AKAP6: variants seen among roughly 807,000 people sequenced by gnomAD.
AKAP6 encodes A-kinase anchoring protein 6.
A neutral mutation model predicts 188.5 loss-of-function variants in AKAP6; 58 were observed. That is an observed-to-expected ratio of 0.31 (90% CI 0.25 to 0.38). The LOEUF is 0.38. Ranked by LOEUF, AKAP6 falls within the 10% of genes least tolerant of loss-of-function variation. AKAP6 has a pLI of 1.00. For synonymous variants in AKAP6, 989 were observed against 998.6 expected (o/e 0.99, Z 0.18); for missense variants, 2,710 against 2,740.0 (o/e 0.99, Z 0.24).
intron 8 of AKAP6, among the ~76,000 whole-genome samples, chr14:32,688,142 G>GTA (rs946061651): frequency 2.7e-4 from 40 of 150,738 alleles, no homozygotes; most frequent in African/African-American, 8.7e-4. Context: ...AATATAGTGT[G>GTA]TATATATATA....
intron 2 of AKAP6, among the ~76,000 whole-genome samples, chr14:32,466,033 C>T (rs1250323336): frequency 6.6e-6 from 1 of 152,204 alleles, no homozygotes; most frequent in Non-Finnish European, 1.5e-5. Context: ...GAGATACCAC[C>T]TCACACCAGT....
rs200857161 is a variant in AKAP6 at position 32,546,493 on chromosome 14, G to A, written c.1840G>A (p.Val614Ile). The A allele has an allele frequency of 4.8e-5, 77 of 1,614,146 alleles. No homozygotes were observed. The African/African-American group carries it at 8.3e-4, about 17-fold the overall frequency. Residue 614 changes from valine to isoleucine, a missense_variant, in exon 4 of 14, where the codon GTC (valine) becomes ATC (isoleucine). This residue lies in a region of AKAP6 where 2,473 missense variants were observed against 2,426.1 expected (regional missense o/e 1.02). Coordinates refer to ENST00000280979, the MANE Select transcript of AKAP6 (RefSeq NM_004274.5). ...AGGTCAAGCCTCCTCTCCAAGTCAC[G>A]TCACTAGGAATGGTGAGGTTGTGGA... ...KKGQASSPSH[V>I]TRNGEVVEAW... is the part of the protein sequence containing the mutation.
chr14:32,833,718 A>T lies in AKAP6; in HGVS notation c.*3913A>T, dbSNP rs984768668. The T allele has an allele frequency of 2.6e-5, 4 of 152,174 alleles. No individual in the cohort carries two copies. Among genetic ancestry groups the T allele is most frequent in the African/African-American group, 9.6e-5 (4 of 41,454 alleles). 9.4% of individuals were successfully genotyped at this position (152,174 alleles called of 1,614,324 possible). A position where few individuals can be genotyped will look rare whatever the true frequency, so the allele number is the denominator to read the frequency against. ...GCTTTAGCTTCCAAAAGAAGTTGAAATTTTTTAGAATTTTAAAGAAAAACT... is the reference window on the plus strand; with the variant it reads ...GCTTTAGCTTCCAAAAGAAGTTGAATTTTTTTAGAATTTTAAAGAAAAACT... On this transcript the variant is annotated 3_prime_UTR_variant, in exon 14 of 14. Coordinates refer to ENST00000280979, the MANE Select transcript of AKAP6 (RefSeq NM_004274.5).
In AKAP6 at chr14:32,454,030, T is replaced by G. The variant is rs185964960; in HGVS notation, c.324+20213T>G. Among the ~76,000 whole-genome samples, 9 of 152,336 alleles carry G rather than the reference T, an allele frequency of 5.9e-5. No individual in the cohort carries two copies. In the East Asian group the frequency reaches 1.7e-3, roughly 29 times the overall value. The stretch of plus-strand genomic sequence containing the variant: ...CTGTCTTTGGCTCATCTCTGAACTT[T>G]AGTTCATTTCATTTTATGACTTTAC... On this transcript the variant is annotated intron_variant, in intron 2 of 13. Coordinates refer to ENST00000280979, the MANE Select transcript of AKAP6 (RefSeq NM_004274.5).
intron 11 of AKAP6, among the ~76,000 whole-genome samples, chr14:32,750,982 C>T (rs923559200): frequency 6.6e-6 from 1 of 151,926 alleles, no homozygotes; most frequent in Non-Finnish European, 1.5e-5. Context: ...TGATCCACCC[C>T]CTTGGCCTCT....
chr14:32,786,296 A>ATTTTTTTTTT, intron 12 of AKAP6, among the ~76,000 whole-genome samples: 3 of 93,706 alleles, frequency 3.2e-5, no homozygotes, highest in African/African-American at 8.2e-5. Context: ...CTAAACCTTT[A>ATTTTTTTTTT]TCTTTTTTTT....
rs181188109 is a variant in AKAP6, at chr14:32,353,332, G to T, written c.-35+23924G>T. ...AATCCCAGCACTTTGGGAAGCCGAGGTGGGCAGACATGAGGTCAGGAGATC... is the reference window on the plus strand; with the variant it reads ...AATCCCAGCACTTTGGGAAGCCGAGTTGGGCAGACATGAGGTCAGGAGATC... On this transcript the variant is annotated intron_variant, in intron 1 of 13. Coordinates refer to ENST00000280979, the MANE Select transcript of AKAP6 (RefSeq NM_004274.5). Among the ~76,000 whole-genome samples the T allele has an allele frequency of 1.3e-3, 202 of 152,284 alleles. 1 individual carries two copies. Among genetic ancestry groups the T allele is most frequent in the Non-Finnish European group, 2.3e-3 (155 of 68,028 alleles).
intron 7 of AKAP6, among the ~76,000 whole-genome samples, chr14:32,638,320 G>A (rs765039975): frequency 6.6e-6 from 1 of 152,056 alleles, no homozygotes; most frequent in Non-Finnish European, 1.5e-5. Flanking sequence ...TCTGATAAGG[G>A]CAGAGGCACT....
chr14:32,714,792 C>A (rs957309631), intron 9 of AKAP6, among the ~76,000 whole-genome samples: 36 of 151,870 alleles, frequency 2.4e-4, no homozygotes, highest in African/African-American at 2.4e-5. Context: ...TATGAGCAAC[C>A]TTTTCTTACC....
intron 7 of AKAP6, among the ~76,000 whole-genome samples, chr14:32,654,932 C>T (rs1342966933): frequency 1.3e-5 from 2 of 151,996 alleles, no homozygotes; most frequent in East Asian, 3.9e-4. Context: ...TTAAGGACTT[C>T]TATAAAGTCA....
Position 32,618,611 on chromosome 14 carries a change from GT to G in AKAP6, c.2730+17821del, listed in dbSNP as rs532935209. On this transcript the variant is annotated intron_variant, in intron 7 of 13. Transcript: ENST00000280979. ...TACTCATTGGTTGATGGGTACTTAG[GT>G]TGGTTCCATATCTTTGCAACTGTGA... Among the ~76,000 whole-genome samples, 349 of 152,254 alleles carry G rather than the reference GT, an allele frequency of 2.3e-3. 2 individuals carry two copies. The highest frequency in any genetic ancestry group is 3.8e-3 in the Non-Finnish European group (258 of 68,016).
chr14:32,590,167 G>A (rs925394664), intron 5 of AKAP6, among the ~76,000 whole-genome samples: 4 of 152,170 alleles, frequency 2.6e-5, no homozygotes, highest in African/African-American at 9.6e-5. Context: ...CTTCCTTAGA[G>A]ACCCAAGAAC....
intron 2 of AKAP6, among the ~76,000 whole-genome samples, chr14:32,511,250 G>A (rs902481049): frequency 6.6e-6 from 1 of 152,116 alleles, no homozygotes; most frequent in African/African-American, 2.4e-5. Context: ...GTCTTCCAGA[G>A]TCTGATTAGT....
chr14:32,801,450 A>T (rs1336365782), intron 12 of AKAP6, among the ~76,000 whole-genome samples: 1 of 152,162 alleles, frequency 6.6e-6, no homozygotes, highest in Non-Finnish European at 1.5e-5. Context: ...CCCATTTCTT[A>T]CAACATTGCT....
intron 1 of AKAP6, among the ~76,000 whole-genome samples, chr14:32,388,619 T>A (rs1957646): frequency 2.0e-5 from 3 of 151,866 alleles, no homozygotes; most frequent in Non-Finnish European, 2.9e-5. Context: ...CAATGATCAC[T>A]CAGGAGCAGG....
At chr14:32,618,760 A>G (rs372481840) in intron 7 of AKAP6, among the ~76,000 whole-genome samples, 6 of 152,312 alleles carry the variant, frequency 3.9e-5, no homozygotes, top group African/African-American at 1.4e-4. Flanking sequence ...TAGTTCTCTG[A>G]GAAATCTCCA....
intron 2 of AKAP6, among the ~76,000 whole-genome samples, chr14:32,476,054 A>G (rs1027451891): frequency 6.6e-6 from 1 of 152,062 alleles, no homozygotes; most frequent in South Asian, 2.1e-4. Context: ...ATAATATTAT[A>G]ATTATTATCT....
In AKAP6 at chr14:32,546,649, A is replaced by G. The variant is rs1473885987; in HGVS notation, c.1996A>G (p.Ile666Val). 1 of 1,614,194 alleles carries G rather than the reference A, an allele frequency of 6.2e-7. No individual in the cohort carries two copies. Among genetic ancestry groups the G allele is most frequent in the South Asian group, 1.1e-5 (1 of 91,088 alleles). ...QKPRGETIQN[I>V]DDWELSEMNS... ...ACCCAGAGGAGAAACCATCCAGAAT[A>G]TTGATGACTGGGAACTGTCTGAAAT... Residue 666 changes from isoleucine (I) to valine (V), a missense_variant, in exon 4 of 14, where the codon ATT (isoleucine) becomes GTT (valine). Transcript: ENST00000280979.
intron 5 of AKAP6, among the ~76,000 whole-genome samples, chr14:32,596,458 G>A (rs1469920571): frequency 6.6e-6 from 1 of 152,116 alleles, no homozygotes; most frequent in East Asian, 1.9e-4. Flanking sequence ...GTGAATCTTT[G>A]ATAATCCTGT....
Sources: gnomAD v4.1 joint callset for allele counts (sites outside exome capture counted in the v4.1 genomes callset) on GRCh38, gnomAD v4.1.1 for gene constraint, gnomAD v4.1.1 regional missense constraint, MANE v1.5 for transcripts, NCBI Gene and HGNC (gene_info 2026-07-23, HGNC 2026-07-21) for gene names.